Variants in OR10J1 observed in about 807,000 individuals in gnomAD.
OR10J1 encodes olfactory receptor 10J1.
For missense variants in OR10J1, 474 were observed against 376.6 expected, an observed-to-expected ratio of 1.26 and a Z score of -2.14; for synonymous variants, 202 against 143.8, an observed-to-expected ratio of 1.40 and a Z score of -2.89.
upstream of OR10J1, among the ~76,000 whole-genome samples, chr1:159,439,417 C>T (rs557385134): frequency 4.6e-5 from 7 of 152,078 alleles, no homozygotes; most frequent in East Asian, 1.9e-4. Context: ...GAGTGTAATA[C>T]GGTTTTATGA....
the OR10J1 span, among the ~76,000 whole-genome samples, chr1:159,408,904 T>C: frequency 6.6e-6 from 1 of 152,082 alleles, no homozygotes; most frequent in Non-Finnish European, 1.5e-5. Flanking sequence ...TAGGACTTTG[T>C]GCTTCATAGC....
chr1:159,403,136 G>T, the OR10J1 span, among the ~76,000 whole-genome samples: 5 of 151,940 alleles, frequency 3.3e-5, no homozygotes, highest in Admixed American at 2.6e-4. Context: ...CTTAAATCTA[G>T]GGCCTCAAAC....
At chr1:159,428,024 C>G in the OR10J1 span, among the ~76,000 whole-genome samples, 3 of 152,058 alleles carry the variant, frequency 2.0e-5, no homozygotes, top group South Asian at 6.2e-4. Flanking sequence ...TGCAAACAAA[C>G]CAGGAATAGA....
At chr1:159,400,614 T>C in the OR10J1 span, among the ~76,000 whole-genome samples, 1 of 150,678 alleles carries the variant, frequency 6.6e-6, no homozygotes, top group Non-Finnish European at 1.5e-5. Context: ...ATAAAAGATA[T>C]ATAAAGAAAA....
the OR10J1 span, among the ~76,000 whole-genome samples, chr1:159,422,868 C>T: frequency 6.6e-6 from 1 of 152,166 alleles, no homozygotes; most frequent in Non-Finnish European, 1.5e-5. Flanking sequence ...CATTAGGGAA[C>T]CTCTTCAGGC....
the OR10J1 span, chr1:159,432,153 C>T: frequency 2.5e-6 from 1 of 400,322 alleles, no homozygotes. Context: ...TGTTTCCAGC[C>T]TGGATGCTCA....
chr1:159,433,117 G>T, upstream of OR10J1: 1 of 428,712 alleles, frequency 2.3e-6, no homozygotes, highest in East Asian at 3.3e-5. Flanking sequence ...TCAGAGCTTT[G>T]GGCAGAAAGC....
upstream of OR10J1, among the ~76,000 whole-genome samples, chr1:159,437,336 C>G (rs1038927843): frequency 6.6e-6 from 1 of 152,078 alleles, no homozygotes; most frequent in African/African-American, 2.4e-5. Flanking sequence ...TTAAATACTT[C>G]TTTTCCAAAA....
chr1:159,407,019 T>C, the OR10J1 span, among the ~76,000 whole-genome samples: 1 of 152,084 alleles, frequency 6.6e-6, no homozygotes, highest in Admixed American at 6.6e-5. Flanking sequence ...GGTCTTTTTT[T>C]CCAGTTGTTA....
chr1:159,431,264 A>T, the OR10J1 span, among the ~76,000 whole-genome samples: 3 of 152,270 alleles, frequency 2.0e-5, no homozygotes, highest in South Asian at 2.1e-4. Context: ...TATTCCAGAC[A>T]CTGGCCACTG....
At chr1:159,415,470 T>G in the OR10J1 span, among the ~76,000 whole-genome samples, 1 of 152,136 alleles carries the variant, frequency 6.6e-6, no homozygotes, top group African/African-American at 2.4e-5. Context: ...TTGGTTATGA[T>G]AGCCCTGTAA....
At chr1:159,412,718 T>C in the OR10J1 span, among the ~76,000 whole-genome samples, 8 of 152,002 alleles carry the variant, frequency 5.3e-5, no homozygotes, top group African/African-American at 1.9e-4. Flanking sequence ...ATGTTAGTCC[T>C]AAAACCATAA....
the OR10J1 span, among the ~76,000 whole-genome samples, chr1:159,428,249 AGAT>A: frequency 2.6e-5 from 4 of 152,324 alleles, no homozygotes; most frequent in African/African-American, 9.6e-5. Context: ...CAAAATGTGC[AGAT>A]GATGTAGTCG....
chr1:159,403,411 CTA>C, the OR10J1 span, among the ~76,000 whole-genome samples: 7,773 of 152,092 alleles, frequency 0.051, 638 homozygotes, highest in African/African-American at 0.18. Flanking sequence ...ACAAACAACT[CTA>C]TATGAAAACA....
At chr1:159,411,970 A>G in the OR10J1 span, among the ~76,000 whole-genome samples, 2 of 152,188 alleles carry the variant, frequency 1.3e-5, no homozygotes, top group South Asian at 2.1e-4. Flanking sequence ...CCTTAAGCTG[A>G]TAAGCAACTT....
At chr1:159,406,853 G>A in the OR10J1 span, among the ~76,000 whole-genome samples, 4 of 152,132 alleles carry the variant, frequency 2.6e-5, no homozygotes, top group African/African-American at 9.6e-5. Context: ...TGCCCTGGGA[G>A]GATCCCAGAT....
At chr1:159,422,299 G>A in the OR10J1 span, among the ~76,000 whole-genome samples, 1 of 152,142 alleles carries the variant, frequency 6.6e-6, no homozygotes, top group Non-Finnish European at 1.5e-5. Context: ...CTTAGATGGG[G>A]CAGCAGTGAC....
At chr1:159,410,135 T>C in the OR10J1 span, among the ~76,000 whole-genome samples, 1 of 152,198 alleles carries the variant, frequency 6.6e-6, no homozygotes, top group African/African-American at 2.4e-5. Context: ...TCAATGTTCA[T>C]CAAGGATATT....
the OR10J1 span, among the ~76,000 whole-genome samples, chr1:159,431,504 A>G: frequency 6.6e-6 from 1 of 152,168 alleles, no homozygotes; most frequent in South Asian, 2.1e-4. Flanking sequence ...TTGACGAGCA[A>G]TGTGCCATTG....
Sources: allele counts gnomAD v4.1 joint callset (sites outside exome capture counted in the v4.1 genomes callset), GRCh38; gene constraint gnomAD v4.1.1; transcripts MANE v1.5; gene names NCBI Gene and HGNC (gene_info 2026-07-23, HGNC 2026-07-21).